CHN2: variants seen among roughly 807,000 people sequenced by gnomAD.
CHN2 encodes the protein beta-chimaerin.
A neutral mutation model predicts 56.3 loss-of-function variants in CHN2; 35 were observed. The ratio of observed to expected loss-of-function variants is 0.62; its 90% CI spans 0.47 to 0.82. CHN2 has a LOEUF of 0.82. CHN2 is among the 40% of genes least tolerant of loss of function. The probability of loss-of-function intolerance (pLI) is 0.00; values close to 1 mark genes in which losing one functional copy is unlikely to be tolerated. For synonymous variants in CHN2, 210 were observed against 212.8 expected (o/e 0.99, Z 0.12); for missense variants, 491 against 580.5 (o/e 0.85, Z 1.58).
intron 2 of CHN2, among the ~76,000 whole-genome samples, chr7:29,356,095 T>A (rs1798299859): frequency 6.6e-6 from 1 of 151,994 alleles, no homozygotes; most frequent in African/African-American, 2.4e-5. Context: ...TGTAGACTGT[T>A]ATTATCTCAT....
chr7:29,327,914 A>G lies in CHN2; in HGVS notation c.50-26711A>G, dbSNP rs990734100. 2.0e-5 allele frequency among the ~76,000 whole-genome samples: 3 copies of G among 152,242 alleles called. No individual in the cohort carries two copies. The South Asian group carries it at 6.2e-4, about 31-fold the overall frequency. On this transcript the variant is annotated intron_variant, in intron 1 of 12. Transcript: ENST00000222792. ...TGTGCTTCTTTCAACCTTCCAGAGAAAATGGGTAAGACAAAAAAAGTTTAA... is the reference window on the plus strand; with the variant it reads ...TGTGCTTCTTTCAACCTTCCAGAGAGAATGGGTAAGACAAAAAAAGTTTAA...
chr7:29,223,277 A>G (rs1387755089), intron 1 of CHN2, among the ~76,000 whole-genome samples: 1 of 152,096 alleles, frequency 6.6e-6, no homozygotes, highest in Non-Finnish European at 1.5e-5. Context: ...TATGGTTCAA[A>G]CCCTATATGA....
At chr7:29,157,158 T>A (rs1794488432) in intron 2 of CHN2, among the ~76,000 whole-genome samples, 1 of 152,206 alleles carries the variant, frequency 6.6e-6, no homozygotes, top group Admixed American at 6.5e-5. Flanking sequence ...GAGCTGTCTT[T>A]TCTCCCACTT....
intron 1 of CHN2, 50 bp downstream of exon 1, chr7:29,195,040 T>G (rs1783489077): frequency 1.3e-6 from 2 of 1,559,344 alleles, no homozygotes. Flanking sequence ...CTCGCCCCAC[T>G]GCCCTCGCCC....
intron 1 of CHN2, among the ~76,000 whole-genome samples, chr7:29,227,652 A>G (rs1432646616): frequency 2.0e-5 from 3 of 152,144 alleles, no homozygotes; most frequent in African/African-American, 4.8e-5. Flanking sequence ...CCCGAGATAG[A>G]CCACACACCT....
intron 6 of CHN2, among the ~76,000 whole-genome samples, chr7:29,451,738 A>G (rs985763029): frequency 2.0e-5 from 3 of 152,168 alleles, no homozygotes; most frequent in African/African-American, 4.8e-5. Flanking sequence ...CTACAAGCCA[A>G]TCCCACCAAG....
At chr7:29,391,774 TCATTA>T (rs1801390300) in intron 3 of CHN2, among the ~76,000 whole-genome samples, 1 of 152,186 alleles carries the variant, frequency 6.6e-6, no homozygotes, top group African/African-American at 2.4e-5. Flanking sequence ...ACCTGCAAGG[TCATTA>T]CTTCATGCAC....
At chr7:29,220,145 C>T (rs1785663212) in intron 1 of CHN2, among the ~76,000 whole-genome samples, 1 of 151,454 alleles carries the variant, frequency 6.6e-6, no homozygotes, top group African/African-American at 2.4e-5. Flanking sequence ...ACTCCAGAAT[C>T]TAGAAAATAA....
chr7:29,187,656 A>T (rs2128750550), intron 2 of CHN2, among the ~76,000 whole-genome samples: 1 of 152,234 alleles, frequency 6.6e-6, no homozygotes, highest in East Asian at 1.9e-4. Flanking sequence ...TGAACCAGGG[A>T]GGCAGAGGTT....
At chr7:29,194,562 C>G (rs1419959391), upstream of CHN2, 6 of 198,276 alleles carry the variant, frequency 3.0e-5, no homozygotes, top group Non-Finnish European at 1.0e-5. Context: ...GCTGGCGGGG[C>G]GGCTCGGAGC....
intron 1 of CHN2, among the ~76,000 whole-genome samples, chr7:29,234,959 T>C (rs777812145): frequency 8.5e-5 from 13 of 152,210 alleles, no homozygotes; most frequent in Non-Finnish European, 1.2e-4. Context: ...GGGGGTATGC[T>C]GTCTACTGGT....
At chr7:29,462,606 G>A (rs1785244959) in intron 6 of CHN2, among the ~76,000 whole-genome samples, 1 of 152,146 alleles carries the variant, frequency 6.6e-6, no homozygotes, top group Admixed American at 6.5e-5. Context: ...TCTCCATGCA[G>A]CTTATGCTTC....
chr7:29,351,206 G>A (rs1797859873), intron 1 of CHN2, among the ~76,000 whole-genome samples: 1 of 151,892 alleles, frequency 6.6e-6, no homozygotes, highest in Admixed American at 6.6e-5. Context: ...ATGAACATTG[G>A]GAGGTTCTTT....
intron 1 of CHN2, among the ~76,000 whole-genome samples, chr7:29,323,536 T>TA (rs777483831): frequency 2.6e-5 from 4 of 152,052 alleles, no homozygotes; most frequent in Non-Finnish European, 4.4e-5. Flanking sequence ...AGCATTGTAG[T>TA]AAATAAAGTG....
intron 2 of CHN2, among the ~76,000 whole-genome samples, chr7:29,169,860 A>ATG (rs1796374041): frequency 7.1e-6 from 1 of 140,610 alleles, no homozygotes; most frequent in Non-Finnish European, 1.5e-5. Context: ...AAGTATATAT[A>ATG]CGTGTGTGTG....
chr7:29,246,814 A>AGGG (rs925900176), intron 1 of CHN2, among the ~76,000 whole-genome samples: 4 of 152,198 alleles, frequency 2.6e-5, no homozygotes. Flanking sequence ...ACATGGTGGA[A>AGGG]GGGATGAGGG....
chr7:29,464,136 T>A (rs186496036), intron 6 of CHN2, among the ~76,000 whole-genome samples: 2 of 152,366 alleles, frequency 1.3e-5, no homozygotes, highest in Admixed American at 1.3e-4. Context: ...ATAGTTACGA[T>A]TAATCATAAT....
At chr7:29,355,935 A>G (rs907116435) in intron 2 of CHN2, among the ~76,000 whole-genome samples, 5 of 151,594 alleles carry the variant, frequency 3.3e-5, no homozygotes, top group East Asian at 1.9e-4. Flanking sequence ...TAAAGGCGCC[A>G]TCACACCCAG....
chr7:29,459,247 T>G (rs1784977766), intron 6 of CHN2, among the ~76,000 whole-genome samples: 1 of 152,224 alleles, frequency 6.6e-6, no homozygotes, highest in Non-Finnish European at 1.5e-5. Context: ...ACTTGTAGGA[T>G]TTTGGAAAAA....
Sources: gnomAD v4.1 joint callset for allele counts (sites outside exome capture counted in the v4.1 genomes callset) on GRCh38, gnomAD v4.1.1 for gene constraint, MANE v1.5 for transcripts, NCBI Gene and HGNC (gene_info 2026-07-23, HGNC 2026-07-21) for gene names.